SNCAIP: variants seen among roughly 807,000 people sequenced by gnomAD.
SNCAIP encodes synuclein alpha interacting protein.
A neutral mutation model predicts 86.7 loss-of-function variants in SNCAIP; 43 were observed. The ratio of observed to expected loss-of-function variants is 0.50; its 90% CI spans 0.39 to 0.64. SNCAIP has a LOEUF of 0.64. Among genes scored for constraint, SNCAIP ranks in the 30% least tolerant of loss-of-function variants. The pLI, the probability that SNCAIP is intolerant of heterozygous loss-of-function variation, is 0.00. For missense variants in SNCAIP, 981 were observed against 1,103.1 expected, an observed-to-expected ratio of 0.89 and a Z score of 1.57; for synonymous variants, 417 against 427.2, an observed-to-expected ratio of 0.98 and a Z score of 0.29.
intron 10 of SNCAIP, among the ~76,000 whole-genome samples, chr5:122,460,641 T>C (rs1785961450): frequency 6.6e-6 from 1 of 152,236 alleles, no homozygotes. Flanking sequence ...GTATTCAGTG[T>C]TAATTATCAT....
chr5:122,436,215 AAG>A, intron 6 of SNCAIP, among the ~76,000 whole-genome samples: 1 of 151,898 alleles, frequency 6.6e-6, no homozygotes, highest in East Asian at 1.9e-4. Flanking sequence ...TTTTTTTAAA[AAG>A]AGAGAAAATA....
At chr5:122,382,097 A>C (rs531332558) in intron 1 of SNCAIP, among the ~76,000 whole-genome samples, 5 of 152,132 alleles carry the variant, frequency 3.3e-5, no homozygotes, top group African/African-American at 4.8e-5. Context: ...CTTTCTTGCT[A>C]GGTTGGGGAA....
chr5:122,426,984 A>G (rs1777500450), intron 5 of SNCAIP, among the ~76,000 whole-genome samples: 1 of 152,208 alleles, frequency 6.6e-6, no homozygotes, highest in Non-Finnish European at 1.5e-5. Context: ...CAAGTATAGG[A>G]TGGCAAATTT....
At chr5:122,458,045 C>T (rs72789043) in intron 10 of SNCAIP, among the ~76,000 whole-genome samples, 87 of 152,270 alleles carry the variant, frequency 5.7e-4, no homozygotes, top group Non-Finnish European at 1.0e-3. Flanking sequence ...AAGCTCCTTA[C>T]ACTGGGAAAA....
intron 1 of SNCAIP, among the ~76,000 whole-genome samples, chr5:122,343,727 T>C (rs1370921405): frequency 6.6e-6 from 1 of 152,194 alleles, no homozygotes; most frequent in Non-Finnish European, 1.5e-5. Context: ...TGTAGAATAC[T>C]TTTCAGTATC....
At chr5:122,341,738 C>T (rs895329446) in intron 1 of SNCAIP, among the ~76,000 whole-genome samples, 3 of 152,144 alleles carry the variant, frequency 2.0e-5, no homozygotes, top group East Asian at 3.9e-4. Context: ...CTGTAGGAAA[C>T]GCCGTTGTTT....
At chr5:122,430,623 C>T (rs1190251194) in intron 5 of SNCAIP, among the ~76,000 whole-genome samples, 1 of 152,090 alleles carries the variant, frequency 6.6e-6, no homozygotes, top group Admixed American at 6.6e-5. Flanking sequence ...ATATATCATA[C>T]TGCTCTATAA....
chr5:122,413,114 A>G (rs1774498468), intron 3 of SNCAIP, among the ~76,000 whole-genome samples: 1 of 152,234 alleles, frequency 6.6e-6, no homozygotes, highest in African/African-American at 2.4e-5. Flanking sequence ...CCCTTCTGCC[A>G]TCTGAAGACA....
chr5:122,344,875 T>G (rs1004366489), intron 1 of SNCAIP, among the ~76,000 whole-genome samples: 11 of 152,232 alleles, frequency 7.2e-5, no homozygotes, highest in Non-Finnish European at 1.5e-5. Context: ...CTCAATAATT[T>G]GAACTGAAGT....
chr5:122,441,796 C>T (rs1780997517), intron 7 of SNCAIP, among the ~76,000 whole-genome samples: 1 of 152,080 alleles, frequency 6.6e-6, no homozygotes, highest in Admixed American at 6.5e-5. Context: ...ATGGAAGAGG[C>T]ATGACAATGT....
chr5:122,451,843 T>A, intron 10 of SNCAIP: 1 of 478,220 alleles, frequency 2.1e-6, no homozygotes, highest in East Asian at 3.8e-5. Context: ...TAAGAGATTA[T>A]ATTCTGGTCC....
At chr5:122,446,507 G>A (rs897630116) in intron 8 of SNCAIP, among the ~76,000 whole-genome samples, 4 of 152,278 alleles carry the variant, frequency 2.6e-5, no homozygotes, top group Non-Finnish European at 4.4e-5. Flanking sequence ...TTTCTCAGTT[G>A]GTGATCCTGG....
Position 122,423,248 on chromosome 5 carries a change from G to T in SNCAIP, c.511G>T (p.Val171Leu). 2.5e-6 allele frequency: 4 copies of T among 1,614,182 alleles called. No homozygotes were observed. The highest frequency in any genetic ancestry group is 1.7e-5 in the Admixed American group (1 of 60,026). ...TCAGCAGCTTGCCTCTTTTACCAAG[G>T]TGACTTCAGAAAAAAGAATTTTGGG... ...SSQQLASFTK[V>L]TSEKRILGLC... is the part of the protein sequence containing the mutation. The change falls in exon 4 of 11, where the codon GTG becomes TTG. Residue 171 changes from valine to leucine, a missense_variant. Val to Leu is a conservative substitution (Grantham distance 32, BLOSUM62 1). Transcript: ENST00000261368.
chr5:122,440,554 AT>A, intron 6 of SNCAIP, 74 bp from the exon 7 acceptor site: 1 of 1,400,096 alleles, frequency 7.1e-7, no homozygotes, highest in Non-Finnish European at 1.0e-6. Flanking sequence ...AAATTAGGGT[AT>A]TGTTTTCCTC....
chr5:122,353,774 C>T (rs1447038963), intron 1 of SNCAIP, among the ~76,000 whole-genome samples: 1 of 152,140 alleles, frequency 6.6e-6, no homozygotes, highest in Admixed American at 6.6e-5. Context: ...AACTGTAAGT[C>T]CATTAAACCT....
chr5:122,440,814 T>C (rs1479642394), intron 7 of SNCAIP, 60 bp downstream of exon 7: 1 of 1,488,534 alleles, frequency 6.7e-7, no homozygotes. Flanking sequence ...AAACAAAACA[T>C]TAAAATTATG....
At chr5:122,456,942 A>G (rs1299674749) in intron 10 of SNCAIP, among the ~76,000 whole-genome samples, 1 of 152,212 alleles carries the variant, frequency 6.6e-6, no homozygotes, top group Non-Finnish European at 1.5e-5. Flanking sequence ...TTGGTGCTTA[A>G]CACTATAGAC....
chr5:122,381,794 C>T (rs1330961872), intron 1 of SNCAIP, among the ~76,000 whole-genome samples: 1 of 152,020 alleles, frequency 6.6e-6, no homozygotes, highest in Non-Finnish European at 1.5e-5. Context: ...TTCTCCTTCA[C>T]TTATGAAGCT....
intron 1 of SNCAIP, chr5:122,389,371 A>G (rs922179697): frequency 3.3e-5 from 5 of 152,214 alleles, no homozygotes; most frequent in Admixed American, 6.5e-5. Flanking sequence ...CTGTAAATCA[A>G]TAGTTCATCA....
Sources: allele counts gnomAD v4.1 joint callset (sites outside exome capture counted in the v4.1 genomes callset), GRCh38; gene constraint gnomAD v4.1.1; transcripts MANE v1.5; gene names NCBI Gene and HGNC (gene_info 2026-07-23, HGNC 2026-07-21).